The following FRMD4A variants were observed in gnomAD, a reference collection of about 807,000 sequenced individuals.
FRMD4A encodes the protein FERM domain-containing protein 4A.
Under a neutral mutation model 129.1 loss-of-function variants are expected in FRMD4A, and 29 were observed. The observed-to-expected ratio is 0.22, with a 90% CI of 0.17 to 0.31. FRMD4A has a LOEUF of 0.31. Ranked by LOEUF, FRMD4A falls within the 10% of genes least tolerant of loss-of-function variation. FRMD4A has a pLI of 1.00. For missense variants in FRMD4A, 1,272 were observed against 1,375.8 expected, an observed-to-expected ratio of 0.92 and a Z score of 1.19; for synonymous variants, 634 against 571.6, an observed-to-expected ratio of 1.11 and a Z score of -1.56.
At chr10:13,648,574 G>A (rs751832920) in intron 24 of FRMD4A, 1 of 152,174 alleles carries the variant, frequency 6.6e-6, no homozygotes, top group Non-Finnish European at 1.5e-5. Context: ...AGGTGGCCAC[G>A]TGCCTGAGCA....
chr10:13,673,914 T>C (rs1216218995), intron 16 of FRMD4A, among the ~76,000 whole-genome samples: 1 of 151,568 alleles, frequency 6.6e-6, no homozygotes, highest in East Asian at 2.0e-4. Context: ...TAGCTGGGAC[T>C]ACAGACACAC....
intron 4 of FRMD4A, among the ~76,000 whole-genome samples, chr10:13,802,683 G>A (rs866168113): frequency 1.3e-5 from 2 of 151,908 alleles, no homozygotes; most frequent in South Asian, 4.2e-4. Flanking sequence ...TTTGTTGTCC[G>A]GGCTGGTCTC....
chr10:13,985,707 T>C (rs1284487081), intron 2 of FRMD4A, among the ~76,000 whole-genome samples: 2 of 152,194 alleles, frequency 1.3e-5, no homozygotes, highest in African/African-American at 4.8e-5. Flanking sequence ...GCCCACTGGG[T>C]TGGCCTGGGT....
At chr10:14,296,768 G>A (rs1589278211) in intron 2 of FRMD4A, among the ~76,000 whole-genome samples, 2 of 152,086 alleles carry the variant, frequency 1.3e-5, no homozygotes, top group East Asian at 1.9e-4. Flanking sequence ...TCCACCATAG[G>A]ATCCTCATTT....
intron 2 of FRMD4A, among the ~76,000 whole-genome samples, chr10:14,075,338 G>T (rs1835524823): frequency 6.6e-6 from 1 of 152,194 alleles, no homozygotes. Flanking sequence ...CATGTTAAAT[G>T]CTTGACCTCC....
chr10:14,242,853 T>C (rs919854527), intron 2 of FRMD4A, among the ~76,000 whole-genome samples: 1 of 152,100 alleles, frequency 6.6e-6, no homozygotes, highest in Non-Finnish European at 1.5e-5. Flanking sequence ...AAAGATACAA[T>C]TACAGTATGA....
intron 8 of FRMD4A, among the ~76,000 whole-genome samples, chr10:13,750,462 C>T (rs534261958): frequency 5.9e-5 from 9 of 152,302 alleles, no homozygotes; most frequent in African/African-American, 2.2e-4. Flanking sequence ...TCACTGACCA[C>T]AGGGGTGATG....
intron 2 of FRMD4A, among the ~76,000 whole-genome samples, chr10:13,967,849 C>A (rs890910426): frequency 6.6e-6 from 1 of 152,204 alleles, no homozygotes; most frequent in African/African-American, 2.4e-5. Flanking sequence ...AGTTTGAGAC[C>A]AGTCTGGACG....
chr10:13,996,569 C>T (rs2095623231), intron 2 of FRMD4A, among the ~76,000 whole-genome samples: 1 of 152,138 alleles, frequency 6.6e-6, no homozygotes, highest in South Asian at 2.1e-4. Flanking sequence ...GTCAGGGGTA[C>T]CATCTTACTT....
chr10:14,054,273 A>G (rs1403606689), intron 2 of FRMD4A, among the ~76,000 whole-genome samples: 3 of 152,208 alleles, frequency 2.0e-5, no homozygotes, highest in East Asian at 3.9e-4. Flanking sequence ...GTATCTCACT[A>G]TTATGGCCTT....
At chr10:14,244,978 T>C (rs1844181330) in intron 2 of FRMD4A, among the ~76,000 whole-genome samples, 1 of 152,248 alleles carries the variant, frequency 6.6e-6, no homozygotes, top group East Asian at 1.9e-4. Context: ...AGGCACGATC[T>C]TTCTGGAAGT....
chr10:13,735,424 T>A (rs1245610611), intron 12 of FRMD4A, among the ~76,000 whole-genome samples: 1 of 152,232 alleles, frequency 6.6e-6, no homozygotes, highest in Non-Finnish European at 1.5e-5. Flanking sequence ...ATTTGATGGC[T>A]GATTATTCAT....
At chr10:13,723,760 G>T (rs941247508) in intron 12 of FRMD4A, among the ~76,000 whole-genome samples, 3 of 152,328 alleles carry the variant, frequency 2.0e-5, no homozygotes, top group Middle Eastern at 3.4e-3. Context: ...CCCACAGGGG[G>T]AAGGTAGAAG....
chr10:14,233,684 A>T (rs1843708245), intron 2 of FRMD4A, among the ~76,000 whole-genome samples: 1 of 152,226 alleles, frequency 6.6e-6, no homozygotes, highest in African/African-American at 2.4e-5. Context: ...AAATAATAAA[A>T]ACAGGCACGC....
At chr10:14,023,760 T>C (rs1398439331) in intron 2 of FRMD4A, among the ~76,000 whole-genome samples, 2 of 152,188 alleles carry the variant, frequency 1.3e-5, no homozygotes, top group Non-Finnish European at 2.9e-5. Context: ...ATCACAGGAA[T>C]AGAAGTGTCC....
At chr10:14,174,522 T>G (rs1414075711) in intron 2 of FRMD4A, among the ~76,000 whole-genome samples, 1 of 140,882 alleles carries the variant, frequency 7.1e-6, no homozygotes, top group African/African-American at 2.7e-5. Flanking sequence ...GAGAGCACTG[T>G]TGCGTTTGTT....
chr10:13,737,116 G>C (rs1269040152), intron 12 of FRMD4A, among the ~76,000 whole-genome samples: 1 of 152,090 alleles, frequency 6.6e-6, no homozygotes, highest in African/African-American at 2.4e-5. Flanking sequence ...TTGAGACAAA[G>C]TCTTGTTCTG....
rs1038416212 is a variant in FRMD4A, at chr10:14,063,244, T to C, written c.46-204332A>G. Among the ~76,000 whole-genome samples, 3 of 152,102 alleles carry C rather than the reference T, an allele frequency of 2.0e-5. No individual in the cohort carries two copies. In the East Asian group the frequency reaches 5.8e-4, roughly 29 times the overall value. ...AGCTCAGACTCCCAGAAGTTATGTT[T>C]AGTGCGTGTTCGGTTCCAGCTTGAA... On this transcript the variant is annotated intron_variant, in intron 2 of 24. Transcript: ENST00000357447.
chr10:14,205,386 C>T (rs1408524658), intron 2 of FRMD4A, among the ~76,000 whole-genome samples: 1 of 152,086 alleles, frequency 6.6e-6, no homozygotes, highest in African/African-American at 2.4e-5. Flanking sequence ...CAAGTATGCA[C>T]ATTTAAGTGT....
Sources: allele counts gnomAD v4.1 joint callset (sites outside exome capture counted in the v4.1 genomes callset), GRCh38; gene constraint gnomAD v4.1.1; transcripts MANE v1.5; gene names NCBI Gene and HGNC (gene_info 2026-07-23, HGNC 2026-07-21).